Variants in LRRC7 observed in about 807,000 individuals in gnomAD.
LRRC7 encodes the protein leucine rich repeat containing 7.
A neutral mutation model predicts 175.7 loss-of-function variants in LRRC7; 23 were observed. The ratio of observed to expected loss-of-function variants is 0.13; its 90% confidence interval spans 0.09 to 0.19. The LOEUF is 0.19. LRRC7 is among the 10% of genes least tolerant of loss of function. LRRC7 has a pLI of 1.00. For missense variants in LRRC7, 1,354 were observed against 1,904.7 expected (o/e 0.71, Z 5.38); for synonymous variants, 685 against 680.9 (o/e 1.01, Z -0.09).
In LRRC7 at chr1:69,959,121, T is replaced by C. The variant is rs547169487; in HGVS notation, c.712-21258T>C. On this transcript the variant is annotated intron_variant, in intron 8 of 26. Coordinates refer to ENST00000651989, the MANE Select transcript of LRRC7 (RefSeq NM_001370785.2). ...AGTTGCAAGCATTATTCAATCCCTA[T>C]TTCAGGTATTTGTCTGGAATTTAAA... Among the ~76,000 whole-genome samples the C allele has an allele frequency of 3.9e-5, 6 of 152,202 alleles. No individual in the cohort carries two copies. In the South Asian group the frequency reaches 1.2e-3, roughly 32 times the overall value.
chr1:69,858,346 T>G (rs555408644), intron 7 of LRRC7, among the ~76,000 whole-genome samples: 20 of 152,076 alleles, frequency 1.3e-4, no homozygotes, highest in Admixed American at 1.2e-3. Flanking sequence ...GGAAGAAAAT[T>G]TTTGCAATCT....
intron 7 of LRRC7, among the ~76,000 whole-genome samples, chr1:69,859,720 A>G (rs770747382): frequency 1.6e-4 from 24 of 152,012 alleles, no homozygotes; most frequent in Non-Finnish European, 3.4e-4. Context: ...TGCTTTTGTT[A>G]AGAGCTAACA....
intron 18 of LRRC7, among the ~76,000 whole-genome samples, chr1:70,031,487 T>C (rs553839858): frequency 6.6e-6 from 1 of 152,328 alleles, no homozygotes; most frequent in Admixed American, 6.5e-5. Context: ...AATAAATACC[T>C]AGGAGTTTCA....
intron 1 of LRRC7, among the ~76,000 whole-genome samples, chr1:69,584,404 G>A (rs1358901832): frequency 6.6e-6 from 1 of 152,024 alleles, no homozygotes; most frequent in Non-Finnish European, 1.5e-5. Flanking sequence ...TTTGCCAACA[G>A]CTGTGGTTTA....
At chr1:69,783,284 A>G (rs1673984168) in intron 3 of LRRC7, among the ~76,000 whole-genome samples, 1 of 152,204 alleles carries the variant, frequency 6.6e-6, no homozygotes, top group African/African-American at 2.4e-5. Context: ...CCATTTTTTA[A>G]GAAAAGCACA....
chr1:69,760,960 T>TAC (rs59808973), intron 3 of LRRC7, among the ~76,000 whole-genome samples: 72,086 of 149,402 alleles, frequency 0.48, 17,218 homozygotes, highest in African/African-American at 0.56. Context: ...TTTGTGCACA[T>TAC]ACACACACAC....
At chr1:69,910,480 C>T (rs189060325) in intron 7 of LRRC7, among the ~76,000 whole-genome samples, 2,427 of 152,290 alleles carry the variant, frequency 0.016, 65 homozygotes, top group Admixed American at 0.074. Flanking sequence ...GTATCAGCAG[C>T]GGTGGCTGCA....
intron 4 of LRRC7, among the ~76,000 whole-genome samples, chr1:69,809,402 G>GA (rs1330048939): frequency 2.0e-5 from 3 of 152,110 alleles, no homozygotes; most frequent in African/African-American, 7.2e-5. Flanking sequence ...GAAAATGGGG[G>GA]ATTCCTCCCT....
intron 7 of LRRC7, among the ~76,000 whole-genome samples, chr1:69,914,729 C>G (rs994036668): frequency 6.6e-6 from 1 of 152,102 alleles, no homozygotes; most frequent in African/African-American, 2.4e-5. Context: ...GGTTGATAGA[C>G]TATGTCTTGT....
intron 4 of LRRC7, among the ~76,000 whole-genome samples, chr1:69,806,606 T>C (rs537572587): frequency 7.9e-5 from 12 of 152,132 alleles, no homozygotes; most frequent in Middle Eastern, 3.4e-3. Flanking sequence ...TCCTACTCAA[T>C]AGAGTATTGC....
At chr1:70,073,383 C>G (rs1170059931) in intron 23 of LRRC7, among the ~76,000 whole-genome samples, 1 of 152,034 alleles carries the variant, frequency 6.6e-6, no homozygotes, top group Non-Finnish European at 1.5e-5. Flanking sequence ...ACCGGGAGTT[C>G]AAGGCTGCAG....
intron 2 of LRRC7, among the ~76,000 whole-genome samples, chr1:69,706,579 G>A (rs1474159309): frequency 2.0e-5 from 3 of 152,090 alleles, no homozygotes; most frequent in African/African-American, 7.2e-5. Flanking sequence ...ATGTATTTGT[G>A]TACTGTTTTT....
chr1:69,723,769 G>A (rs892577906), intron 2 of LRRC7, among the ~76,000 whole-genome samples: 8 of 152,012 alleles, frequency 5.3e-5, no homozygotes, highest in African/African-American at 1.4e-4. Context: ...TGTCTAATGA[G>A]GTCCCCTTCT....
At chr1:69,692,482 T>C (rs999079699) in intron 2 of LRRC7, among the ~76,000 whole-genome samples, 2 of 152,180 alleles carry the variant, frequency 1.3e-5, no homozygotes, top group African/African-American at 4.8e-5. Flanking sequence ...GGGCAGCCTT[T>C]ACCCAGATAT....
At chr1:69,708,706 G>A (rs932670185) in intron 2 of LRRC7, among the ~76,000 whole-genome samples, 3 of 152,138 alleles carry the variant, frequency 2.0e-5, no homozygotes, top group Non-Finnish European at 2.9e-5. Context: ...CATGTCTGGA[G>A]GTCAGCTGAT....
intron 1 of LRRC7, among the ~76,000 whole-genome samples, chr1:69,639,633 A>G (rs1171933689): frequency 6.6e-6 from 1 of 151,766 alleles, no homozygotes; most frequent in Non-Finnish European, 1.5e-5. Context: ...CCCTCAATTA[A>G]TGCTTTAGGA....
intron 1 of LRRC7, among the ~76,000 whole-genome samples, chr1:69,587,688 T>C (rs994431211): frequency 6.6e-6 from 1 of 152,104 alleles, no homozygotes; most frequent in African/African-American, 2.4e-5. Flanking sequence ...GCTGTTCTTG[T>C]GATAGTGAGG....
intron 7 of LRRC7, among the ~76,000 whole-genome samples, chr1:69,915,752 C>G (rs1249167981): frequency 6.6e-6 from 1 of 151,850 alleles, no homozygotes; most frequent in Non-Finnish European, 1.5e-5. Context: ...AAAGCTTTTT[C>G]AAACTCTGAA....
intron 1 of LRRC7, among the ~76,000 whole-genome samples, chr1:69,569,924 A>C (rs991794603): frequency 1.3e-5 from 2 of 151,610 alleles, no homozygotes; most frequent in African/African-American, 4.8e-5. Context: ...AAAAAAAAAA[A>C]AAAAGCGATG....
Sources: gnomAD v4.1 joint callset for allele counts (sites outside exome capture counted in the v4.1 genomes callset) on GRCh38, gnomAD v4.1.1 for gene constraint, MANE v1.5 for transcripts, NCBI Gene and HGNC (gene_info 2026-07-23, HGNC 2026-07-21) for gene names.